The following RTN1 variants were observed in gnomAD, a reference collection of about 807,000 sequenced individuals.
The protein encoded by RTN1 is reticulon-1.
Under a neutral mutation model 65.5 loss-of-function variants are expected in RTN1, and 25 were observed. The observed-to-expected ratio is 0.38, with a 90% CI of 0.28 to 0.53. The LOEUF (loss-of-function observed/expected upper bound fraction) is 0.53. RTN1 is among the 20% of genes least tolerant of loss of function. The pLI, the probability that RTN1 is intolerant of heterozygous loss-of-function variation, is 0.79. For missense variants in RTN1, 983 were observed against 1,025.4 expected (o/e 0.96, Z 0.57); for synonymous variants, 471 against 447.6 (o/e 1.05, Z -0.66).
Position 59,800,030 on chromosome 14 carries a change from T to C in RTN1, c.242-53549A>G, listed in dbSNP as rs548468873. ...GTAATAAGCAAAATTAATTTACTGG[T>C]GAAAGATGGGCAAGGAAAGAGAACC... is the stretch of plus-strand genomic sequence containing the variant. On this transcript the variant is annotated intron_variant, in intron 1 of 8. Transcript: ENST00000267484. Among the ~76,000 whole-genome samples the C allele has an allele frequency of 2.0e-5, 3 of 152,226 alleles. No homozygotes were observed. In the South Asian group the frequency reaches 6.2e-4, roughly 32 times the overall value.
intron 1 of RTN1, among the ~76,000 whole-genome samples, chr14:59,749,024 G>C (rs1402880342): frequency 6.7e-6 from 1 of 149,554 alleles, no homozygotes; most frequent in East Asian, 2.0e-4. Flanking sequence ...CCTGACCTCA[G>C]GTGATCCTCC....
intron 3 of RTN1, among the ~76,000 whole-genome samples, chr14:59,712,912 CAA>C (rs34371436): frequency 0.017 from 1,911 of 111,302 alleles, 20 homozygotes; most frequent in Non-Finnish European, 0.019. Context: ...AACTCCATCT[CAA>C]AAAAAAAAAA....
At chr14:59,767,263 C>A (rs74058797) in intron 1 of RTN1, among the ~76,000 whole-genome samples, 1,734 of 152,298 alleles carry the variant, frequency 0.011, 30 homozygotes, top group African/African-American at 0.039. Flanking sequence ...GCTTCTGGAT[C>A]ACATGCTTAA....
chr14:59,677,420 G>T (rs1206304198), intron 3 of RTN1, among the ~76,000 whole-genome samples: 1 of 152,154 alleles, frequency 6.6e-6, no homozygotes, highest in Admixed American at 6.5e-5. Context: ...AATAAAAATA[G>T]TAAGTAGGGA....
At chr14:59,773,689 A>G (rs954041758) in intron 1 of RTN1, among the ~76,000 whole-genome samples, 2 of 152,164 alleles carry the variant, frequency 1.3e-5, no homozygotes, top group Admixed American at 1.3e-4. Flanking sequence ...AATGGGGGAA[A>G]GAGCATGATG....
At chr14:59,698,119 A>G (rs1301338908) in intron 3 of RTN1, among the ~76,000 whole-genome samples, 1 of 152,144 alleles carries the variant, frequency 6.6e-6, no homozygotes, top group Non-Finnish European at 1.5e-5. Context: ...AATATGAGAT[A>G]AATTTCTTAC....
intron 1 of RTN1, among the ~76,000 whole-genome samples, chr14:59,777,824 A>ACAAC (rs1410291669): frequency 2.2e-5 from 1 of 46,508 alleles, no homozygotes; most frequent in African/African-American, 1.2e-4. Context: ...AACAACAACA[A>ACAAC]AAAAAAAAAA....
intron 3 of RTN1, among the ~76,000 whole-genome samples, chr14:59,673,232 C>G (rs1386703887): frequency 6.6e-6 from 1 of 152,096 alleles, no homozygotes; most frequent in East Asian, 1.9e-4. Context: ...AGGTCTGAGC[C>G]CCCAAGAAAT....
Position 59,630,097 on chromosome 14 carries a change from A to G in RTN1, c.1766-22605T>C, listed in dbSNP as rs542885480. Among the ~76,000 whole-genome samples the G allele has an allele frequency of 1.4e-4, 21 of 152,270 alleles. 1 individual carries two copies. The South Asian group carries it at 4.4e-3, about 32-fold the overall frequency. On this transcript the variant is annotated intron_variant, in intron 3 of 8. Coordinates refer to ENST00000267484, the MANE Select transcript of RTN1 (RefSeq NM_021136.3). ...TAAATGCACTGGGATGCATGGAACA[A>G]TAAGAAAGCACTTTAACTCCGGGGA...
At chr14:59,669,455 G>C (rs1883453532) in intron 3 of RTN1, among the ~76,000 whole-genome samples, 1 of 151,974 alleles carries the variant, frequency 6.6e-6, no homozygotes, top group Non-Finnish European at 1.5e-5. Context: ...GGGCCTGTCA[G>C]GGGGATGGGG....
chr14:59,642,474 A>G (rs1882800875), intron 3 of RTN1, among the ~76,000 whole-genome samples: 1 of 152,076 alleles, frequency 6.6e-6, no homozygotes, highest in African/African-American at 2.4e-5. Flanking sequence ...AAAATGTTTC[A>G]CAAGTTTTTT....
intron 3 of RTN1, among the ~76,000 whole-genome samples, chr14:59,679,843 C>A (rs924147417): frequency 2.6e-5 from 4 of 152,174 alleles, no homozygotes; most frequent in African/African-American, 9.7e-5. Flanking sequence ...CCATACAGAA[C>A]AATTTGAACC....
At chr14:59,810,520 G>A (rs1310335199) in intron 1 of RTN1, among the ~76,000 whole-genome samples, 1 of 152,046 alleles carries the variant, frequency 6.6e-6, no homozygotes, top group Non-Finnish European at 1.5e-5. Context: ...TTGCAGGAAG[G>A]GTAAAATCTA....
chr14:59,867,565 AACTTAT>A (rs1359254079), intron 1 of RTN1, among the ~76,000 whole-genome samples: 1 of 152,204 alleles, frequency 6.6e-6, no homozygotes, highest in Non-Finnish European at 1.5e-5. Context: ...ATAATGTTTA[AACTTAT>A]ATTCATTCCA....
At chr14:59,628,302 C>T (rs1020295412) in intron 3 of RTN1, among the ~76,000 whole-genome samples, 1 of 152,128 alleles carries the variant, frequency 6.6e-6, no homozygotes, top group Non-Finnish European at 1.5e-5. Flanking sequence ...AGGCATCCTT[C>T]GTGGTTTTTA....
At position 59,705,674 on chromosome 14, in the gene RTN1, C is replaced by T. The variant is rs139253928; in HGVS notation, c.1765+21245G>A. Among the ~76,000 whole-genome samples, 1,035 of 152,320 alleles carry T rather than the reference C, an allele frequency of 6.8e-3. 11 individuals are homozygous for T. Among genetic ancestry groups the T allele is most frequent in the African/African-American group, 0.024 (985 of 41,566 alleles). On this transcript the variant is annotated intron_variant, in intron 3 of 8. Coordinates refer to ENST00000267484, the MANE Select transcript of RTN1 (RefSeq NM_021136.3). ...GAGTCATACATCTCAAACATCTCAA[C>T]ATCAATCATTAACACAGACAAGGCT...
Position 59,697,155 on chromosome 14 carries a change from C to A in RTN1, c.1765+29764G>T, listed in dbSNP as rs11626132. Among the ~76,000 whole-genome samples, 876 of 152,250 alleles carry A rather than the reference C, an allele frequency of 5.8e-3. 8 individuals are homozygous for A. The highest frequency in any genetic ancestry group is 0.018 in the African/African-American group (747 of 41,550). On this transcript the variant is annotated intron_variant, in intron 3 of 8. Transcript: ENST00000267484. ...ATGGCAATCAGACTCTTTTCTTGTA[C>A]TTCTCACAAACATCTCCTTCTCTTT...
chr14:59,779,296 C>G (rs139894937), intron 1 of RTN1, among the ~76,000 whole-genome samples: 1 of 151,814 alleles, frequency 6.6e-6, no homozygotes, highest in Non-Finnish European at 1.5e-5. Flanking sequence ...TTCTGTCATA[C>G]GAAGGGGAGA....
chr14:59,850,521 T>C (rs907956199), intron 1 of RTN1, among the ~76,000 whole-genome samples: 1 of 152,210 alleles, frequency 6.6e-6, no homozygotes, highest in Non-Finnish European at 1.5e-5. Context: ...CTATTTTAAA[T>C]TGAGGACCAT....
Sources: allele counts gnomAD v4.1 joint callset (sites outside exome capture counted in the v4.1 genomes callset), GRCh38; gene constraint gnomAD v4.1.1; transcripts MANE v1.5; gene names NCBI Gene and HGNC (gene_info 2026-07-23, HGNC 2026-07-21).